Variants in AKAP19 observed in about 807,000 individuals in gnomAD.
The protein encoded by AKAP19 is small A-kinase anchoring protein.
chr2:190,176,892 T>G, the AKAP19 span, among the ~76,000 whole-genome samples: 1 of 152,222 alleles, frequency 6.6e-6, no homozygotes, highest in African/African-American at 2.4e-5. This position sits in a 1 kb window ranked among gnomAD's most constrained non-coding sequence, Gnocchi z 4.7. Flanking sequence ...GTTCACTGTT[T>G]TGGAGAGGCC....
chr2:190,131,475 T>G, the AKAP19 span, among the ~76,000 whole-genome samples: 2 of 152,208 alleles, frequency 1.3e-5, no homozygotes, highest in East Asian at 1.9e-4. Context: ...GGGAGCTCCA[T>G]GTGCCTTTCC....
the AKAP19 span, among the ~76,000 whole-genome samples, chr2:189,950,028 G>GT: frequency 1.5e-3 from 168 of 113,944 alleles, 14 homozygotes; most frequent in Middle Eastern, 6.3e-3. Context: ...TTGGTTTTGG[G>GT]TTTTTTTTTT....
the AKAP19 span, among the ~76,000 whole-genome samples, chr2:189,925,653 C>T: frequency 6.6e-6 from 1 of 152,038 alleles, no homozygotes; most frequent in Admixed American, 6.6e-5. Flanking sequence ...TTCATATGTG[C>T]AATACATGTT....
chr2:190,120,488 G>A, the AKAP19 span, among the ~76,000 whole-genome samples: 1 of 152,130 alleles, frequency 6.6e-6, no homozygotes, highest in Non-Finnish European at 1.5e-5. Context: ...ACTTAGAAAG[G>A]AGTATAACAA....
At chr2:189,915,143 G>T in the AKAP19 span, among the ~76,000 whole-genome samples, 1 of 152,046 alleles carries the variant, frequency 6.6e-6, no homozygotes, top group African/African-American at 2.4e-5. Flanking sequence ...CACAATTACT[G>T]TGTTGGTAGT....
chr2:190,179,400 T>G, the AKAP19 span, among the ~76,000 whole-genome samples: 1 of 150,312 alleles, frequency 6.7e-6, no homozygotes, highest in African/African-American at 2.5e-5. This position sits in a 1 kb window ranked among gnomAD's most constrained non-coding sequence, Gnocchi z 6.0. Flanking sequence ...AGAGCAAGAC[T>G]CCATCTCAAA....
chr2:189,951,149 C>T, the AKAP19 span, among the ~76,000 whole-genome samples: 1 of 151,536 alleles, frequency 6.6e-6, no homozygotes, highest in South Asian at 2.1e-4. Context: ...GGTTTTTTCC[C>T]TCTACTTCAA....
the AKAP19 span, among the ~76,000 whole-genome samples, chr2:190,102,825 C>T: frequency 6.6e-6 from 1 of 152,126 alleles, no homozygotes; most frequent in Non-Finnish European, 1.5e-5. Context: ...AGGAAGGACT[C>T]CTTCCTAACT....
At chr2:190,118,896 G>A in the AKAP19 span, among the ~76,000 whole-genome samples, 1 of 152,072 alleles carries the variant, frequency 6.6e-6, no homozygotes, top group Non-Finnish European at 1.5e-5. Context: ...AGAAATAAAG[G>A]GTATTCAATT....
At chr2:189,885,880 C>G in the AKAP19 span, among the ~76,000 whole-genome samples, 1 of 152,132 alleles carries the variant, frequency 6.6e-6, no homozygotes, top group East Asian at 1.9e-4. Flanking sequence ...ACAATCTCGG[C>G]TCACTGCAAC....
chr2:190,171,971 C>T, the AKAP19 span, among the ~76,000 whole-genome samples: 1 of 152,250 alleles, frequency 6.6e-6, no homozygotes, highest in East Asian at 1.9e-4. Context: ...ACAATTTTTA[C>T]ATCATTTTTA....
the AKAP19 span, chr2:190,199,906 T>C: frequency 6.2e-7 from 1 of 1,614,052 alleles, no homozygotes; most frequent in Non-Finnish European, 8.5e-7. Context: ...TCCTACCATA[T>C]ATGAAGGTGA....
At chr2:189,964,506 A>G in the AKAP19 span, among the ~76,000 whole-genome samples, 1 of 152,210 alleles carries the variant, frequency 6.6e-6, no homozygotes, top group Non-Finnish European at 1.5e-5. Context: ...ATAGCTTTAA[A>G]AGTCCTAGAT....
At chr2:190,002,361 G>A in the AKAP19 span, among the ~76,000 whole-genome samples, 1 of 151,940 alleles carries the variant, frequency 6.6e-6, no homozygotes, top group African/African-American at 2.4e-5. Context: ...TGTTTTTCTT[G>A]TCCTGCTCAA....
chr2:189,993,808 G>T, the AKAP19 span, among the ~76,000 whole-genome samples: 2 of 152,084 alleles, frequency 1.3e-5, no homozygotes, highest in Non-Finnish European at 2.9e-5. Context: ...GGTGTTCATA[G>T]TGGTCTTGAA....
At chr2:190,039,982 A>T in the AKAP19 span, among the ~76,000 whole-genome samples, 5 of 152,308 alleles carry the variant, frequency 3.3e-5, no homozygotes, top group African/African-American at 1.2e-4. Flanking sequence ...TGCAATGAAC[A>T]TTTGCATGCA....
chr2:190,141,560 G>T, the AKAP19 span, among the ~76,000 whole-genome samples: 6 of 152,090 alleles, frequency 3.9e-5, no homozygotes, highest in African/African-American at 1.4e-4. Flanking sequence ...GAAAAGCCCC[G>T]TGTAAAACCA....
chr2:190,083,665 G>T, the AKAP19 span, among the ~76,000 whole-genome samples: 1 of 152,180 alleles, frequency 6.6e-6, no homozygotes, highest in African/African-American at 2.4e-5. Flanking sequence ...GTGAGTTATG[G>T]TGTCCATCAT....
the AKAP19 span, among the ~76,000 whole-genome samples, chr2:190,138,867 C>T: frequency 0.91 from 138,617 of 152,116 alleles, 64,064 homozygotes; most frequent in East Asian, 1. Context: ...GACTTAAGAG[C>T]ATAGGATTTG....
Sources: allele counts gnomAD v4.1 joint callset (sites outside exome capture counted in the v4.1 genomes callset), GRCh38; gene constraint gnomAD v4.1.1; non-coding constraint Gnocchi (gnomAD v3.1); transcripts MANE v1.5; gene names NCBI Gene and HGNC (gene_info 2026-07-23, HGNC 2026-07-21).